Variants in CREBBP observed in about 807,000 individuals in gnomAD.
CREBBP encodes the protein CREB binding lysine acetyltransferase.
In CREBBP, 19 loss-of-function variants were observed where a neutral mutation model predicts 265.0. The ratio of observed to expected loss-of-function variants is 0.07; its 90% CI spans 0.05 to 0.11. The LOEUF (loss-of-function observed/expected upper bound fraction) is 0.11, where lower values mean the gene tolerates loss of function less well. Ranked by LOEUF, CREBBP falls within the 10% of genes least tolerant of loss-of-function variation. The probability of loss-of-function intolerance (pLI) is 1.00; values close to 1 mark genes in which losing one functional copy is unlikely to be tolerated. For synonymous variants in CREBBP, 1,457 were observed against 1,223.7 expected, an observed-to-expected ratio of 1.19 and a Z score of -3.98; for missense variants, 2,525 against 3,219.0, an observed-to-expected ratio of 0.78 and a Z score of 5.22.
chr16:3,865,976 T>C lies in CREBBP; in HGVS notation c.85+13856A>G, dbSNP rs563922865. ...TTTTAAGGCACCCCCACTGGGGATA[T>C]ACTGGCCCAGGTGATTAACTTCAGC... On this transcript the variant is annotated intron_variant, in intron 1 of 30. Coordinates refer to ENST00000262367, the MANE Select transcript of CREBBP (RefSeq NM_004380.3). Among the ~76,000 whole-genome samples, 9 of 152,256 alleles carry C rather than the reference T, an allele frequency of 5.9e-5. No individual in the cohort carries two copies. The South Asian group carries it at 6.2e-4, about 11-fold the overall frequency.
chr16:3,764,309 C>G (rs984062934), intron 16 of CREBBP, among the ~76,000 whole-genome samples: 8 of 152,204 alleles, frequency 5.3e-5, no homozygotes, highest in African/African-American at 1.9e-4. Flanking sequence ...CAGGGTCTCA[C>G]TCTCTCATCC....
rs2051914798 is a variant in CREBBP, at chr16:3,731,484, G to A, written c.4891-11C>T. The A allele has an allele frequency of 6.3e-7, 1 of 1,574,956 alleles. No individual in the cohort carries two copies. The highest frequency in any genetic ancestry group is 8.6e-7 in the Non-Finnish European group (1 of 1,162,578). ...GATCACGAAGAAGACCTGCAGGAGAGGAGGGGCTTTAGTCCCACACAAGGG... is the reference window on the plus strand; with the variant it reads ...GATCACGAAGAAGACCTGCAGGAGAAGAGGGGCTTTAGTCCCACACAAGGG... On this transcript the variant is annotated splice_polypyrimidine_tract_variant and intron_variant, in intron 29 of 30. Transcript: ENST00000262367. The surrounding 1 kb of genome is among the most constrained non-coding windows in gnomAD (Gnocchi z 7.7).
At chr16:3,869,387 C>G (rs962877398) in intron 1 of CREBBP, among the ~76,000 whole-genome samples, 39 of 152,126 alleles carry the variant, frequency 2.6e-4, no homozygotes, top group Non-Finnish European at 4.9e-4. Flanking sequence ...GTGACCTAAG[C>G]CGTGAATATT....
At chr16:3,838,797 C>T (rs927971615) in intron 2 of CREBBP, among the ~76,000 whole-genome samples, 9 of 152,270 alleles carry the variant, frequency 5.9e-5, no homozygotes, top group African/African-American at 1.9e-4. Flanking sequence ...AATCCTCCCA[C>T]CTCCGCCTCC....
At chr16:3,792,393 G>C (rs1258285838) in intron 4 of CREBBP, among the ~76,000 whole-genome samples, 2 of 152,134 alleles carry the variant, frequency 1.3e-5, no homozygotes, top group Non-Finnish European at 2.9e-5. Context: ...TGCAATGAAA[G>C]GTAGAACAAA....
rs369973805 is a variant in CREBBP, at chr16:3,736,644, G to T, written c.4560+6C>A. On this transcript the variant is annotated splice_donor_region_variant and intron_variant, in intron 27 of 30. Transcript: ENST00000262367. ...AAAGCCACCACCTTCCTTCAGCGCC[G>T]GGTACCTTGTAGTCATGGATGATCC... 6.2e-7 allele frequency: 1 copy of T among 1,614,084 alleles called. No individual in the cohort carries two copies. Among genetic ancestry groups the T allele is most frequent in the African/African-American group, 1.3e-5 (1 of 74,920 alleles).
chr16:3,751,978 A>C (rs1178123611), intron 19 of CREBBP, 172 bp from the exon 20 acceptor site: 1 of 688,336 alleles, frequency 1.5e-6, no homozygotes, highest in African/African-American at 1.8e-5. Flanking sequence ...AGGTGGGGAA[A>C]GGCAGGATTA....
intron 20 of CREBBP, among the ~76,000 whole-genome samples, chr16:3,750,054 A>C (rs1596835847): frequency 6.6e-6 from 1 of 152,094 alleles, no homozygotes; most frequent in East Asian, 1.9e-4. Context: ...GGACTGGCTA[A>C]TTTTTTGATT....
chr16:3,807,555 C>T (rs2053854495), intron 3 of CREBBP, among the ~76,000 whole-genome samples: 2 of 152,192 alleles, frequency 1.3e-5, no homozygotes. Flanking sequence ...TGCAGACAAA[C>T]TGTGTAAGCA....
intron 16 of CREBBP, 158 bp downstream of exon 16, chr16:3,767,562 T>A (rs2052884911): frequency 2.1e-6 from 2 of 965,716 alleles, no homozygotes; most frequent in Non-Finnish European, 3.1e-6. Flanking sequence ...CTGCTCAGCC[T>A]GAGTGTTTCT....
intron 5 of CREBBP, among the ~76,000 whole-genome samples, chr16:3,785,023 T>A (rs2053353558): frequency 6.6e-6 from 1 of 152,150 alleles, no homozygotes; most frequent in Admixed American, 6.5e-5. Context: ...TATGAACAAA[T>A]AAAGAAGGTC....
chr16:3,826,445 CA>C (rs1038531604), intron 2 of CREBBP, among the ~76,000 whole-genome samples: 1 of 152,210 alleles, frequency 6.6e-6, no homozygotes, highest in African/African-American at 2.4e-5. Context: ...CGGAGCATTA[CA>C]GTGGAGAAAC....
intron 25 of CREBBP, 91 bp downstream of exon 25, chr16:3,739,487 G>T (rs2151336029): frequency 6.8e-7 from 1 of 1,472,166 alleles, no homozygotes; most frequent in Non-Finnish European, 9.4e-7. Context: ...CCCTATGAAG[G>T]CTCACAGGCT....
chr16:3,876,521 T>C (rs922128355), intron 1 of CREBBP, among the ~76,000 whole-genome samples: 3 of 151,090 alleles, frequency 2.0e-5, no homozygotes, highest in Non-Finnish European at 4.4e-5. Flanking sequence ...AGACACAATA[T>C]GCTATTTTAA....
chr16:3,847,336 A>G (rs1331121481), intron 2 of CREBBP, among the ~76,000 whole-genome samples: 1 of 152,172 alleles, frequency 6.6e-6, no homozygotes, highest in African/African-American at 2.4e-5. Flanking sequence ...AAACAAAATT[A>G]TCTTAAAAAA....
intron 16 of CREBBP, among the ~76,000 whole-genome samples, chr16:3,763,276 C>T (rs1414287155): frequency 6.6e-6 from 1 of 151,962 alleles, no homozygotes; most frequent in Admixed American, 6.6e-5. Context: ...CTAATTCAGC[C>T]TCATGAGTAG....
chr16:3,793,734 C>G, intron 3 of CREBBP, 108 bp from the exon 4 acceptor site: 1 of 1,331,990 alleles, frequency 7.5e-7, no homozygotes, highest in Non-Finnish European at 1.0e-6. Flanking sequence ...ATACCGACCA[C>G]AGAGAGAAGG....
chr16:3,853,792 C>G (rs1460211743), intron 1 of CREBBP, among the ~76,000 whole-genome samples: 1 of 151,886 alleles, frequency 6.6e-6, no homozygotes, highest in Non-Finnish European at 1.5e-5. Flanking sequence ...CAAAAATGAG[C>G]TGGGCGTGGT....
At chr16:3,804,154 A>G (rs1443382005) in intron 3 of CREBBP, among the ~76,000 whole-genome samples, 8 of 152,044 alleles carry the variant, frequency 5.3e-5, no homozygotes, top group African/African-American at 1.7e-4. Context: ...AGAAGATAGA[A>G]GGCACCAGAT....
Sources: allele counts gnomAD v4.1 joint callset (sites outside exome capture counted in the v4.1 genomes callset), GRCh38; gene constraint gnomAD v4.1.1; non-coding constraint Gnocchi (gnomAD v3.1); transcripts MANE v1.5; gene names NCBI Gene and HGNC (gene_info 2026-07-23, HGNC 2026-07-21).